The following FRYL variants were observed in gnomAD, a reference collection of about 807,000 sequenced individuals.
FRYL encodes protein furry homolog-like.
In FRYL, 150 loss-of-function variants were observed where a neutral mutation model predicts 351.2. The observed-to-expected ratio is 0.43, with a 90% CI of 0.37 to 0.49. The LOEUF is 0.49. FRYL is among the 20% of genes least tolerant of loss of function. The pLI, the probability that FRYL is intolerant of heterozygous loss-of-function variation, is 0.00. For missense variants in FRYL, 3,036 were observed against 3,619.3 expected (o/e 0.84, Z 4.13); for synonymous variants, 1,153 against 1,257.1 (o/e 0.92, Z 1.75).
chr4:48,641,468 A>C (rs1755306302), intron 3 of FRYL, among the ~76,000 whole-genome samples: 2 of 152,162 alleles, frequency 1.3e-5, no homozygotes, highest in Admixed American at 1.3e-4. Context: ...AGAAAACAAA[A>C]GGCAGGGGAG....
At chr4:48,514,902 G>T in intron 56 of FRYL, 126 bp downstream of exon 56, 2 of 802,668 alleles carry the variant, frequency 2.5e-6, no homozygotes, top group Non-Finnish European at 3.9e-6. Context: ...AACACACAAA[G>T]TATGATTACA....
intron 55 of FRYL, among the ~76,000 whole-genome samples, chr4:48,515,917 G>A (rs1278395674): frequency 6.6e-6 from 1 of 152,070 alleles, no homozygotes. Context: ...TGTTTGAAAT[G>A]TCATTGCTTT....
intron 2 of FRYL, among the ~76,000 whole-genome samples, chr4:48,706,156 G>T (rs1560885995): frequency 6.6e-6 from 1 of 152,096 alleles, no homozygotes; most frequent in African/African-American, 2.4e-5. Context: ...AGTGTAGACT[G>T]AATTGAAAGA....
intron 1 of FRYL, among the ~76,000 whole-genome samples, chr4:48,766,200 T>C (rs750711829): frequency 6.6e-6 from 1 of 152,232 alleles, no homozygotes; most frequent in Admixed American, 6.5e-5. Flanking sequence ...TGTGGCGTTA[T>C]TCACAATAGC....
At chr4:48,599,009 G>T (rs1267986579) in intron 13 of FRYL, 1 of 199,860 alleles carries the variant, frequency 5.0e-6, no homozygotes, top group East Asian at 1.9e-4. Flanking sequence ...CCAAGACAGT[G>T]GCCAGAAACA....
At chr4:48,618,564 T>C (rs1347952159) in intron 7 of FRYL, 1 of 135,974 alleles carries the variant, frequency 7.4e-6, no homozygotes, top group East Asian at 2.1e-4. Context: ...TTGAATGATA[T>C]AACTTTAAAG....
chr4:48,612,007 T>C (rs1466689749), intron 7 of FRYL, among the ~76,000 whole-genome samples: 9 of 152,216 alleles, frequency 5.9e-5, no homozygotes, highest in Non-Finnish European at 1.2e-4. Context: ...ATTATTGGCA[T>C]GCAGATTATT....
At chr4:48,757,195 G>C (rs1401138247) in intron 1 of FRYL, among the ~76,000 whole-genome samples, 3 of 152,224 alleles carry the variant, frequency 2.0e-5, no homozygotes, top group African/African-American at 4.8e-5. Flanking sequence ...CACAAGACAA[G>C]GATGCCCTCT....
intron 57 of FRYL, among the ~76,000 whole-genome samples, chr4:48,511,321 A>C (rs1209454028): frequency 6.6e-6 from 1 of 152,194 alleles, no homozygotes; most frequent in African/African-American, 2.4e-5. Context: ...GAAGTTGTTC[A>C]TCAAAAGTTA....
At chr4:48,533,651 T>C (rs551797738) in intron 49 of FRYL, among the ~76,000 whole-genome samples, 1 of 152,304 alleles carries the variant, frequency 6.6e-6, no homozygotes, top group South Asian at 2.1e-4. Context: ...GTTGTATCCA[T>C]CCTACTGATC....
rs1377679518 is a variant in FRYL, at chr4:48,551,671, A to C, written c.4436-93T>G. ...TCTCAAATTATAGATATCAAAACTT[A>C]ACTAAAATGAGAGCAAAGTCATTTA... On this transcript the variant is annotated intron_variant, in intron 36 of 63. Transcript: ENST00000358350. 3.9e-6 allele frequency: 3 copies of C among 762,290 alleles called. No individual in the cohort carries two copies. The East Asian group carries it at 7.7e-5, about 20-fold the overall frequency. 47.2% of individuals were successfully genotyped at this position (762,290 alleles called of 1,614,324 possible). A position where few individuals can be genotyped will look rare whatever the true frequency, so the allele number is the denominator to read the frequency against.
chr4:48,513,370 C>G (rs1722883685), intron 56 of FRYL, among the ~76,000 whole-genome samples: 1 of 152,046 alleles, frequency 6.6e-6, no homozygotes, highest in Admixed American at 6.6e-5. Flanking sequence ...GATTTGACTC[C>G]AAAGAAACAT....
At chr4:48,596,137 T>C (rs1298891094) in intron 13 of FRYL, 137 bp from the exon 14 acceptor site, 4 of 594,176 alleles carry the variant, frequency 6.7e-6, no homozygotes, top group Non-Finnish European at 1.2e-5. Flanking sequence ...GGTACATATT[T>C]GGTATAGGGT....
intron 4 of FRYL, among the ~76,000 whole-genome samples, chr4:48,632,106 A>ATATATATGTATATG (rs71191242): frequency 1.7e-5 from 1 of 58,202 alleles, no homozygotes; most frequent in Non-Finnish European, 3.7e-5. Flanking sequence ...ATATATATAT[A>ATATATATGTATATG]TATATATATA....
At chr4:48,777,925 T>C (rs4695402) in intron 1 of FRYL, among the ~76,000 whole-genome samples, 149,393 of 152,318 alleles carry the variant, frequency 0.98, 73,325 homozygotes, top group East Asian at 1. Context: ...GGTGGCTCAG[T>C]CTGTAATCCC....
At chr4:48,614,133 T>G (rs1457692936) in intron 7 of FRYL, among the ~76,000 whole-genome samples, 4 of 152,030 alleles carry the variant, frequency 2.6e-5, no homozygotes, top group Admixed American at 6.6e-5. Flanking sequence ...CGAGGTGTGA[T>G]AAAAAATACA....
At chr4:48,779,941 A>C (rs1285347562) in intron 1 of FRYL, 137 bp downstream of exon 1, 5 of 151,660 alleles carry the variant, frequency 3.3e-5, no homozygotes, top group African/African-American at 9.7e-5. Flanking sequence ...CTCGGCGCCC[A>C]CCAGGAAGGA....
chr4:48,597,103 G>C (rs1321476148), intron 13 of FRYL, among the ~76,000 whole-genome samples: 1 of 152,082 alleles, frequency 6.6e-6, no homozygotes, highest in Non-Finnish European at 1.5e-5. Flanking sequence ...ATGTTTGTTA[G>C]TAATGTAACT....
chr4:48,499,618 T>G lies in FRYL; in HGVS notation c.8846A>C (p.His2949Pro). 6.2e-7 allele frequency: 1 copy of G among 1,614,056 alleles called. No homozygotes were observed. Among genetic ancestry groups the G allele is most frequent in the Non-Finnish European group, 8.5e-7 (1 of 1,179,880 alleles). ...CAGCGTCTGATGATGGAAATATATA[T>G]GTAACAGTGTCTGTACAGGGTCATC... ...CEDDPVQTLL[H>P]IYFHHQTLGQ... The change falls in exon 64 of 64, where the codon CAT (histidine) becomes CCT (proline). Residue 2949 changes from histidine (H) to proline (P), a missense_variant. His to Pro is a moderately conservative substitution (Grantham distance 77). This residue lies in a region of FRYL where 1,987 missense variants were observed against 2,311.7 expected (regional missense o/e 0.86). Coordinates refer to ENST00000358350, the MANE Select transcript of FRYL (RefSeq NM_015030.2).
Sources: gnomAD v4.1 joint callset for allele counts (sites outside exome capture counted in the v4.1 genomes callset) on GRCh38, gnomAD v4.1.1 for gene constraint, gnomAD v4.1.1 regional missense constraint, MANE v1.5 for transcripts, NCBI Gene and HGNC (gene_info 2026-07-23, HGNC 2026-07-21) for gene names.